The following PIWIL3 variants were observed in gnomAD, a reference collection of about 807,000 sequenced individuals.
PIWIL3 encodes the protein piwi like RNA-mediated gene silencing 3, also known as piwi-like protein 3.
A neutral mutation model predicts 109.7 loss-of-function variants in PIWIL3; 101 were observed. The observed-to-expected ratio is 0.92, with a 90% CI of 0.78 to 1.09. The LOEUF is 1.09. PIWIL3 is among the 50% of genes least tolerant of loss of function. The pLI is 0.00. For missense variants in PIWIL3, 1,031 were observed against 1,072.6 expected, an observed-to-expected ratio of 0.96 and a Z score of 0.54; for synonymous variants, 373 against 376.4, an observed-to-expected ratio of 0.99 and a Z score of 0.10.
At chr22:24,747,765 T>C (rs747216358) in intron 12 of PIWIL3, among the ~76,000 whole-genome samples, 7 of 152,104 alleles carry the variant, frequency 4.6e-5, no homozygotes, top group Non-Finnish European at 1.0e-4. Context: ...ATGGCTTTTA[T>C]GCAAGACAAG....
At position 24,751,828 on chromosome 22, in the gene PIWIL3, C is replaced by T. The variant is rs926482880; in HGVS notation, c.978-330G>A. 5.9e-5 allele frequency among the ~76,000 whole-genome samples: 9 copies of T among 152,344 alleles called. No homozygotes were observed. The South Asian group carries it at 1.7e-3, about 28-fold the overall frequency. On this transcript the variant is annotated intron_variant, in intron 8 of 20. Transcript: ENST00000616349. ...CTCATTCATTTCACGTAAACTGAGT[C>T]ATGCAACGTGTGCTCTTTCCCGACT...
chr22:24,767,642 C>T (rs1056160111), intron 1 of PIWIL3, among the ~76,000 whole-genome samples: 1 of 151,076 alleles, frequency 6.6e-6, no homozygotes, highest in Admixed American at 6.6e-5. Context: ...GTGTAACATG[C>T]ATAATGGGAA....
In PIWIL3 at chr22:24,757,595, G is replaced by A. The variant is rs955103143; in HGVS notation, c.355+313C>T. ...GGGCCAGTTCTAGACCAGCAAGACCGTGTCTCTACAAAATTTACATACACA... is the reference window on the plus strand; with the variant it reads ...GGGCCAGTTCTAGACCAGCAAGACCATGTCTCTACAAAATTTACATACACA... On this transcript the variant is annotated intron_variant, in intron 4 of 20. Transcript: ENST00000616349. 2.3e-4 allele frequency among the ~76,000 whole-genome samples: 15 copies of A among 65,320 alleles called. No individual in the cohort carries two copies. In the South Asian group the frequency reaches 3.5e-3, roughly 15 times the overall value. The allele number at this position is 65,320 out of a possible 152,430, so 42.9% of individuals were successfully genotyped here.
chr22:24,728,021 ACAAT>A lies in PIWIL3; in HGVS notation c.1934_1937del (p.Asp645ValfsTer6), dbSNP rs774573337. On this transcript the variant is annotated frameshift_variant, in exon 16 of 21. Coordinates refer to ENST00000616349, the MANE Select transcript of PIWIL3 (RefSeq NM_001255975.1). LOFTEE classifies it high-confidence loss of function. ...TCTGTCGATTTACGATATCGTGGAA[ACAAT>A]CAATGCCAACGAACATTGTTCTTTG... 8.7e-6 allele frequency: 14 copies of A among 1,614,008 alleles called. No individual in the cohort carries two copies. The highest frequency in any genetic ancestry group is 5.0e-5 in the Admixed American group (3 of 60,010).
intron 1 of PIWIL3, among the ~76,000 whole-genome samples, chr22:24,770,891 G>C (rs1926099137): frequency 6.6e-6 from 1 of 151,588 alleles, no homozygotes; most frequent in Admixed American, 6.6e-5. Flanking sequence ...AACCAAGCAT[G>C]AAGACCCAGC....
intron 20 of PIWIL3, 31 bp from the exon 21 acceptor site, chr22:24,719,619 A>T (rs1174613408): frequency 1.3e-6 from 2 of 1,553,948 alleles, no homozygotes; most frequent in South Asian, 1.2e-5. Flanking sequence ...ACACAACTAA[A>T]TTTTTTTCAC....
At chr22:24,758,922 GT>G in intron 3 of PIWIL3, among the ~76,000 whole-genome samples, 1 of 144,858 alleles carries the variant, frequency 6.9e-6, no homozygotes, top group South Asian at 2.2e-4. Flanking sequence ...TTCAGACGGA[GT>G]CTAACTGTCA....
intron 13 of PIWIL3, 115 bp from the exon 14 acceptor site, chr22:24,734,271 A>T (rs1333827181): frequency 3.2e-5 from 45 of 1,411,962 alleles, no homozygotes; most frequent in Non-Finnish European, 4.0e-5. Flanking sequence ...TATGCATTTC[A>T]GTAGAAAGTA....
intron 7 of PIWIL3, among the ~76,000 whole-genome samples, chr22:24,754,460 T>C (rs544248158): frequency 1.3e-5 from 2 of 151,918 alleles, no homozygotes; most frequent in South Asian, 4.2e-4. Flanking sequence ...TTATGTTTAA[T>C]ATACACATAT....
At chr22:24,740,846 G>A (rs1923963755) in intron 12 of PIWIL3, among the ~76,000 whole-genome samples, 1 of 152,170 alleles carries the variant, frequency 6.6e-6, no homozygotes, top group Non-Finnish European at 1.5e-5. Flanking sequence ...AGAAGAATTG[G>A]TGCCAATCCT....
At chr22:24,771,029 T>C (rs935327777) in intron 1 of PIWIL3, among the ~76,000 whole-genome samples, 3 of 151,872 alleles carry the variant, frequency 2.0e-5, no homozygotes, top group Non-Finnish European at 4.4e-5. Context: ...AGAAGACACA[T>C]AGACCCTGTA....
intron 9 of PIWIL3, 87 bp downstream of exon 9, chr22:24,751,300 C>A: frequency 7.6e-7 from 1 of 1,317,838 alleles, no homozygotes; most frequent in South Asian, 1.4e-5. Context: ...GTTTATATGA[C>A]AAATATGTTC....
At chr22:24,767,623 C>G (rs1925876275) in intron 1 of PIWIL3, among the ~76,000 whole-genome samples, 1 of 149,808 alleles carries the variant, frequency 6.7e-6, no homozygotes, top group African/African-American at 2.5e-5. Context: ...ACTGGGATAA[C>G]TATAAAAGGT....
At chr22:24,761,830 G>A (rs1925455074) in intron 2 of PIWIL3, 2 of 496,962 alleles carry the variant, frequency 4.0e-6, no homozygotes, top group Non-Finnish European at 5.2e-6. Flanking sequence ...GAGGTTGGAG[G>A]GCTTAGGAGA....
At chr22:24,734,437 G>A (rs954332781) in intron 13 of PIWIL3, among the ~76,000 whole-genome samples, 1 of 152,108 alleles carries the variant, frequency 6.6e-6, no homozygotes, top group Non-Finnish European at 1.5e-5. Context: ...GAGGACACAG[G>A]GCAAATCACT....
At chr22:24,769,253 C>T (rs1338573758) in intron 1 of PIWIL3, among the ~76,000 whole-genome samples, 1 of 152,160 alleles carries the variant, frequency 6.6e-6, no homozygotes, top group Non-Finnish European at 1.5e-5. Flanking sequence ...TTGTTTAAAG[C>T]AGGAATGTCC....
Position 24,749,113 on chromosome 22 carries a change from C to T in PIWIL3, c.1335-92G>A, listed in dbSNP as rs1035880786. 11 of 1,036,712 alleles carry T rather than the reference C, an allele frequency of 1.1e-5. No homozygotes were observed. The African/African-American group carries it at 1.4e-4, about 14-fold the overall frequency. 64.2% of individuals were successfully genotyped at this position (1,036,712 alleles called of 1,614,324 possible). A position where few individuals can be genotyped will look rare whatever the true frequency, so the allele number is the denominator to read the frequency against. On this transcript the variant is annotated intron_variant, in intron 11 of 20. Transcript: ENST00000616349. Reference sequence around the variant, plus strand: ...GGCAATTTCCTTCTATTCCAAGGTTCACCATCACTTGTCCGCAGCATTGAG... The same window carrying T: ...GGCAATTTCCTTCTATTCCAAGGTTTACCATCACTTGTCCGCAGCATTGAG...
chr22:24,757,673 C>CATATATATAAAATATGTATATATT, intron 4 of PIWIL3, among the ~76,000 whole-genome samples: 1 of 133,684 alleles, frequency 7.5e-6, no homozygotes, highest in Non-Finnish European at 1.7e-5. Flanking sequence ...CACACACACA[C>CATATATATAAAATATGTATATATT]ACACACACAC....
At chr22:24,732,799 C>T (rs1923431907) in intron 14 of PIWIL3, among the ~76,000 whole-genome samples, 1 of 151,882 alleles carries the variant, frequency 6.6e-6, no homozygotes, top group African/African-American at 2.4e-5. Flanking sequence ...GCCTGGGTGA[C>T]GAGTGAGACT....
Sources: allele counts gnomAD v4.1 joint callset (sites outside exome capture counted in the v4.1 genomes callset), GRCh38; gene constraint gnomAD v4.1.1; transcripts MANE v1.5; gene names NCBI Gene and HGNC (gene_info 2026-07-23, HGNC 2026-07-21).